Variants in DUSP22 observed in about 807,000 individuals in gnomAD.
DUSP22 encodes the protein dual specificity protein phosphatase 22.
DUSP22 carries 24 observed loss-of-function variants against 24.5 expected under a neutral mutation model. The observed-to-expected ratio is 0.98, with a 90% CI of 0.71 to 1.38. The LOEUF (loss-of-function observed/expected upper bound fraction) is 1.38. DUSP22 is among the 40% of genes most tolerant of loss of function. The pLI is 0.00. For missense variants in DUSP22, 330 were observed against 269.2 expected, an observed-to-expected ratio of 1.23 and a Z score of -1.58; for synonymous variants, 160 against 106.4, an observed-to-expected ratio of 1.50 and a Z score of -3.10.
At chr6:311,983 G>A (rs200561921) in intron 3 of DUSP22, 21 bp downstream of exon 3, 78 of 1,602,642 alleles carry the variant, frequency 4.9e-5, no homozygotes, top group Admixed American at 3.1e-4. Context: ...ACCGTGGGGC[G>A]TGTGTGGGTG....
At chr6:342,801 C>G (rs1281357012) in intron 4 of DUSP22, among the ~76,000 whole-genome samples, 3 of 152,304 alleles carry the variant, frequency 2.0e-5, no homozygotes, top group Non-Finnish European at 4.4e-5. Context: ...AAGTCCCTAC[C>G]CACAGCCTTT....
intron 4 of DUSP22, among the ~76,000 whole-genome samples, chr6:339,762 T>C (rs1243537742): frequency 2.6e-5 from 4 of 152,308 alleles, no homozygotes; most frequent in African/African-American, 7.2e-5. Context: ...CCTTATTCTA[T>C]CTCCCTATCT....
rs1760067028 is a variant in DUSP22, at chr6:349,366, G to A, written c.*415G>A. 1.9e-6 allele frequency: 2 copies of A among 1,032,582 alleles called. No individual in the cohort carries two copies. Among genetic ancestry groups the A allele is most frequent in the African/African-American group, 3.4e-5 (2 of 58,844 alleles). 64.0% of individuals were successfully genotyped at this position (1,032,582 alleles called of 1,614,324 possible). ...TGTGTGTGAACTCTTTCTTACTGCT[G>A]GAAGTCACAGAATTCATATTGCTGC... is the stretch of plus-strand genomic sequence containing the variant. On this transcript the variant is annotated 3_prime_UTR_variant, in exon 7 of 7. Coordinates refer to ENST00000419235, the MANE Select transcript of DUSP22 (RefSeq NM_001286555.3).
chr6:310,388 G>T lies in DUSP22; in HGVS notation c.56-1492G>T, dbSNP rs573373954. Among the ~76,000 whole-genome samples the T allele has an allele frequency of 6.6e-5, 10 of 152,424 alleles. No individual in the cohort carries two copies. In the East Asian group the frequency reaches 1.9e-3, roughly 29 times the overall value. On this transcript the variant is annotated intron_variant, in intron 2 of 6. Transcript: ENST00000419235. ...CCCCTGTTTTGTAGATTAGTAGAAG[G>T]GTTCCACTTCAGGGGATCACACCAT...
At chr6:316,979 A>T (rs1368004370) in intron 3 of DUSP22, among the ~76,000 whole-genome samples, 1 of 152,304 alleles carries the variant, frequency 6.6e-6, no homozygotes, top group East Asian at 1.9e-4. Context: ...TGAACCATTT[A>T]TGGTGTTTTT....
intron 4 of DUSP22, among the ~76,000 whole-genome samples, chr6:340,394 C>A (rs866914045): frequency 6.6e-6 from 1 of 152,304 alleles, no homozygotes; most frequent in Non-Finnish European, 1.5e-5. Flanking sequence ...CGTGCTGGGG[C>A]AGGGCCTGTG....
intron 3 of DUSP22, among the ~76,000 whole-genome samples, chr6:321,247 A>G (rs1236650190): frequency 6.6e-6 from 1 of 152,302 alleles, no homozygotes; most frequent in Non-Finnish European, 1.5e-5. Context: ...GCACTTTGGG[A>G]GCTCACCAGG....
chr6:342,280 C>T (rs909946808), intron 4 of DUSP22, among the ~76,000 whole-genome samples: 4 of 152,304 alleles, frequency 2.6e-5, no homozygotes, highest in Non-Finnish European at 4.4e-5. Flanking sequence ...CGTACAGACA[C>T]GGCTCTTTCT....
intron 1 of DUSP22, among the ~76,000 whole-genome samples, chr6:298,543 T>C (rs1226536872): frequency 1.3e-5 from 2 of 152,302 alleles, no homozygotes; most frequent in Non-Finnish European, 2.9e-5. Context: ...AGAAGCAGTA[T>C]TCTTTTGTGC....
At chr6:305,750 A>G (rs1465704057) in intron 2 of DUSP22, among the ~76,000 whole-genome samples, 1 of 152,302 alleles carries the variant, frequency 6.6e-6, no homozygotes, top group Non-Finnish European at 1.5e-5. Flanking sequence ...ATAGGATGGG[A>G]GAGACCTGGG....
At chr6:340,098 ATGT>A (rs1283307657) in intron 4 of DUSP22, among the ~76,000 whole-genome samples, 1 of 152,306 alleles carries the variant, frequency 6.6e-6, no homozygotes, top group African/African-American at 2.4e-5. Flanking sequence ...CTGGGAAATG[ATGT>A]TGTAGTAAGT....
intron 3 of DUSP22, among the ~76,000 whole-genome samples, chr6:328,151 G>A (rs533340717): frequency 6.6e-6 from 1 of 152,420 alleles, no homozygotes; most frequent in South Asian, 2.1e-4. Flanking sequence ...GAGATGGGTT[G>A]TTCAGGCTTC....
chr6:300,996 T>A (rs1178882790), intron 1 of DUSP22, among the ~76,000 whole-genome samples: 1 of 152,308 alleles, frequency 6.6e-6, no homozygotes, highest in Non-Finnish European at 1.5e-5. Flanking sequence ...CTGCTGCCTC[T>A]GTTGCCAAAG....
chr6:295,764 C>T (rs1373525546), intron 1 of DUSP22, among the ~76,000 whole-genome samples: 1 of 150,876 alleles, frequency 6.6e-6, no homozygotes, highest in Admixed American at 6.6e-5. Context: ...TGTGCCACCG[C>T]ACTCCAGCCT....
chr6:301,767 G>A (rs1047096450), intron 1 of DUSP22, among the ~76,000 whole-genome samples: 3 of 152,298 alleles, frequency 2.0e-5, no homozygotes, highest in Non-Finnish European at 2.9e-5. Flanking sequence ...TCAGGGGCAG[G>A]AGGACTTGAC....
rs1454630561 is a variant in DUSP22 at position 351,023 on chromosome 6, A to G, written c.*2072A>G. The G allele has an allele frequency of 1.8e-6, 2 of 1,120,018 alleles. No individual in the cohort carries two copies. The highest frequency in any genetic ancestry group is 1.4e-5 in the South Asian group (1 of 70,684). 69.4% of individuals were successfully genotyped at this position (1,120,018 alleles called of 1,614,324 possible). ...ATACGTAGTCATGTTTATGTTGAGAACTAAGGATATTCTTTAGCAAGAGAA... is the reference window on the plus strand; with the variant it reads ...ATACGTAGTCATGTTTATGTTGAGAGCTAAGGATATTCTTTAGCAAGAGAA... On this transcript the variant is annotated 3_prime_UTR_variant, in exon 7 of 7. Coordinates refer to ENST00000419235, the MANE Select transcript of DUSP22 (RefSeq NM_001286555.3).
intron 3 of DUSP22, among the ~76,000 whole-genome samples, chr6:334,381 C>T (rs1759271699): frequency 6.6e-6 from 1 of 152,258 alleles, no homozygotes; most frequent in African/African-American, 2.4e-5. Context: ...CTTTCAGTCC[C>T]TCCGAAAGAG....
At chr6:335,977 A>G (rs1759345945) in intron 4 of DUSP22, among the ~76,000 whole-genome samples, 1 of 152,308 alleles carries the variant, frequency 6.6e-6, no homozygotes, top group Admixed American at 6.5e-5. Context: ...TATTGAAGAA[A>G]TCCCGTGGAG....
At chr6:296,822 A>G (rs1262606648) in intron 1 of DUSP22, among the ~76,000 whole-genome samples, 1 of 152,300 alleles carries the variant, frequency 6.6e-6, no homozygotes, top group Non-Finnish European at 1.5e-5. Context: ...GCAGGATATG[A>G]GGACCCTCTG....
Sources: allele counts gnomAD v4.1 joint callset (sites outside exome capture counted in the v4.1 genomes callset), GRCh38; gene constraint gnomAD v4.1.1; transcripts MANE v1.5; gene names NCBI Gene and HGNC (gene_info 2026-07-23, HGNC 2026-07-21).